Variants in ASRGL1 observed in about 807,000 individuals in gnomAD.
ASRGL1 encodes isoaspartyl peptidase/L-asparaginase.
Under a neutral mutation model 22.4 loss-of-function variants are expected in ASRGL1, and 16 were observed. The observed-to-expected ratio is 0.71, with a 90% confidence interval of 0.48 to 1.08. The LOEUF (loss-of-function observed/expected upper bound fraction) is 1.08, where lower values mean the gene tolerates loss of function less well. Ranked by LOEUF, ASRGL1 falls within the 50% of genes least tolerant of loss-of-function variation. ASRGL1 has a pLI of 0.00. For missense variants in ASRGL1, 412 were observed against 410.1 expected (o/e 1.00, Z -0.04); for synonymous variants, 165 against 159.3 (o/e 1.04, Z -0.27).
chr11:62,366,856 A>T (rs973766856), intron 4 of ASRGL1, among the ~76,000 whole-genome samples: 3 of 152,158 alleles, frequency 2.0e-5, no homozygotes, highest in Non-Finnish European at 2.9e-5. Flanking sequence ...AATAAAATTT[A>T]AAAACCCAAA....
At chr11:62,372,844 C>A in intron 4 of ASRGL1, 4 of 1,602,836 alleles carry the variant, frequency 2.5e-6, no homozygotes, top group Non-Finnish European at 3.4e-6. Flanking sequence ...GCCACCAACA[C>A]CTCCCATGAA....
At chr11:62,382,517 A>G (rs1947096622) in intron 4 of ASRGL1, 1 of 151,978 alleles carries the variant, frequency 6.6e-6, no homozygotes, top group Non-Finnish European at 1.5e-5. Flanking sequence ...CTCCTATCTC[A>G]GTAAATAGAA....
At chr11:62,366,201 G>A (rs1946606639) in intron 4 of ASRGL1, among the ~76,000 whole-genome samples, 1 of 139,028 alleles carries the variant, frequency 7.2e-6, no homozygotes. Context: ...GATGGAAGTT[G>A]CAGTGAGCCG....
At chr11:62,365,436 C>G (rs1490716527) in intron 4 of ASRGL1, among the ~76,000 whole-genome samples, 1 of 151,878 alleles carries the variant, frequency 6.6e-6, no homozygotes, top group Non-Finnish European at 1.5e-5. Context: ...CGCCTGTAAT[C>G]CCAGCTACTC....
chr11:62,399,641 T>C, the ASRGL1 span, among the ~76,000 whole-genome samples: 7 of 152,228 alleles, frequency 4.6e-5, no homozygotes, highest in Admixed American at 3.9e-4. Context: ...GGGGAAGGCA[T>C]GAGTGTCCTG....
At chr11:62,344,581 C>G (rs1945964378) in intron 2 of ASRGL1, among the ~76,000 whole-genome samples, 1 of 149,922 alleles carries the variant, frequency 6.7e-6, no homozygotes, top group Non-Finnish European at 1.5e-5. Context: ...AGGTATATAT[C>G]AAGATTCCAT....
At chr11:62,359,021 G>T (rs1240657985) in intron 4 of ASRGL1, among the ~76,000 whole-genome samples, 1 of 152,168 alleles carries the variant, frequency 6.6e-6, no homozygotes, top group African/African-American at 2.4e-5. Flanking sequence ...GATTGTTACA[G>T]AGAGGGTTCT....
Position 62,383,925 on chromosome 11 carries a change from A to AAC in ASRGL1, c.492-5207_492-5206insCA, listed in dbSNP as rs1406519529. ...CAAGAGTTGGTCTCAAAAAAAAAAAAAAAATCAGTACTCCCTGGAATGAAG... is the reference window on the plus strand; with the variant it reads ...CAAGAGTTGGTCTCAAAAAAAAAAAAACAAAATCAGTACTCCCTGGAATGAAG... On this transcript the variant is annotated intron_variant, in intron 4 of 6. Transcript: ENST00000415229. Among the ~76,000 whole-genome samples the AAC allele has an allele frequency of 3.3e-5, 5 of 151,536 alleles. No homozygotes were observed. The South Asian group carries it at 8.4e-4, about 25-fold the overall frequency.
intron 5 of ASRGL1, among the ~76,000 whole-genome samples, chr11:62,391,258 G>C (rs545213584): frequency 1.3e-3 from 196 of 152,272 alleles, no homozygotes; most frequent in African/African-American, 3.9e-3. Flanking sequence ...TGTGCTTTGG[G>C]GCCAAGGAGA....
chr11:62,384,017 T>C (rs1947141351), intron 4 of ASRGL1, among the ~76,000 whole-genome samples: 1 of 146,376 alleles, frequency 6.8e-6, no homozygotes, highest in Non-Finnish European at 1.5e-5. Flanking sequence ...TGTGCATGTG[T>C]GTGTGTGCAC....
chr11:62,344,897 T>C (rs1202311885), intron 2 of ASRGL1, among the ~76,000 whole-genome samples: 1 of 152,190 alleles, frequency 6.6e-6, no homozygotes, highest in African/African-American at 2.4e-5. Context: ...CTGCTAACCA[T>C]CTTTTTACTC....
intron 4 of ASRGL1, among the ~76,000 whole-genome samples, chr11:62,363,084 C>T (rs1245435950): frequency 1.3e-5 from 2 of 150,320 alleles, no homozygotes; most frequent in Non-Finnish European, 3.0e-5. Context: ...CAGGCGCCCG[C>T]CACCACGCCC....
intron 6 of ASRGL1, 180 bp from the exon 7 acceptor site, chr11:62,391,899 C>A: frequency 1.3e-6 from 1 of 778,414 alleles, no homozygotes; most frequent in Non-Finnish European, 2.0e-6. Flanking sequence ...CCCCTCTGCT[C>A]AGGCTGATGC....
intron 3 of ASRGL1, 56 bp downstream of exon 3, chr11:62,356,523 G>T: frequency 4.5e-6 from 7 of 1,570,642 alleles, no homozygotes; most frequent in Non-Finnish European, 3.5e-6. Context: ...ATACTGCAGT[G>T]ATAAGGGCTC....
chr11:62,383,535 G>A (rs1206740744), intron 4 of ASRGL1, among the ~76,000 whole-genome samples: 15 of 144,412 alleles, frequency 1.0e-4, no homozygotes, highest in East Asian at 8.2e-4. Flanking sequence ...CCCAGGAGGC[G>A]GAGCTTGCAG....
intron 4 of ASRGL1, chr11:62,371,194 GC>G: frequency 2.4e-6 from 3 of 1,252,728 alleles, no homozygotes; most frequent in South Asian, 1.6e-5. Context: ...CAACGGCACT[GC>G]CCACGCCAGG....
rs1178488157 is a variant in ASRGL1, at chr11:62,356,437, C to T, written c.303C>T (p.Pro101=). ...CCGCAGTCCAGTGTATAGCAAATCC[C>T]ATTAAACTTGCTCGGCTTGTCATGG... is the stretch of plus-strand genomic sequence containing the variant. ...AVSAVQCIAN[P]IKLARLVMEK... is the part of the protein sequence containing the mutation. The change falls in exon 3 of 7, where the codon CCC becomes CCT. Residue 101 remains proline (P), a synonymous_variant. Transcript: ENST00000415229. 1 of 1,613,992 alleles carries T rather than the reference C, an allele frequency of 6.2e-7. No homozygotes were observed. Among genetic ancestry groups the T allele is most frequent in the African/African-American group, 1.3e-5 (1 of 74,916 alleles).
intron 2 of ASRGL1, among the ~76,000 whole-genome samples, chr11:62,348,570 T>G (rs1485038736): frequency 6.6e-6 from 1 of 151,634 alleles, no homozygotes; most frequent in East Asian, 2.0e-4. Flanking sequence ...GGGCGTGGTG[T>G]CTCACGCCAG....
Position 62,393,002 on chromosome 11 carries a change from GC to G in ASRGL1, c.*723del, listed in dbSNP as rs1185541916. On this transcript the variant is annotated 3_prime_UTR_variant, in exon 7 of 7. Transcript: ENST00000415229. ...TGAAGTTTCTTGGGTTCACAGAGGA[GC>G]CCCCTCACTTGGTGTTCTCCCGTGA... 1 of 152,356 alleles carries G rather than the reference GC, an allele frequency of 6.6e-6. No homozygotes were observed. Among genetic ancestry groups the G allele is most frequent in the Admixed American group, 6.5e-5 (1 of 15,272 alleles). 9.4% of individuals were successfully genotyped at this position (152,356 alleles called of 1,614,324 possible). A position where few individuals can be genotyped will look rare whatever the true frequency, so the allele number is the denominator to read the frequency against.
Sources: gnomAD v4.1 joint callset for allele counts (sites outside exome capture counted in the v4.1 genomes callset) on GRCh38, gnomAD v4.1.1 for gene constraint, MANE v1.5 for transcripts, NCBI Gene and HGNC (gene_info 2026-07-23, HGNC 2026-07-21) for gene names.